MAPKAP1: variants seen among roughly 807,000 people sequenced by gnomAD.
MAPKAP1 encodes the protein MAPK associated protein 1.
A neutral mutation model predicts 65.7 loss-of-function variants in MAPKAP1; 20 were observed. The ratio of observed to expected loss-of-function variants is 0.30; its 90% CI spans 0.21 to 0.44. The LOEUF is 0.44. MAPKAP1 is among the 20% of genes least tolerant of loss of function. The pLI, the probability that MAPKAP1 is intolerant of heterozygous loss-of-function variation, is 1.00. For missense variants in MAPKAP1, 423 were observed against 648.0 expected (o/e 0.65, Z 3.77); for synonymous variants, 222 against 244.3 (o/e 0.91, Z 0.85).
intron 10 of MAPKAP1, among the ~76,000 whole-genome samples, chr9:125,451,749 T>C (rs112351229): frequency 0.014 from 2,153 of 151,918 alleles, 17 homozygotes; most frequent in South Asian, 0.042. Flanking sequence ...TATTGCTTTT[T>C]CTCTGGTTTT....
chr9:125,656,047 ATAGAG>A (rs1834023877), intron 4 of MAPKAP1, among the ~76,000 whole-genome samples: 1 of 152,254 alleles, frequency 6.6e-6, no homozygotes, highest in Admixed American at 6.5e-5. Context: ...AAAGAGAATT[ATAGAG>A]TATTTTAAAA....
intron 1 of MAPKAP1, among the ~76,000 whole-genome samples, chr9:125,693,622 T>C (rs1335427615): frequency 1.7e-4 from 24 of 144,364 alleles, no homozygotes; most frequent in South Asian, 4.4e-4. Context: ...TATACACACA[T>C]ATATACACAT....
intron 10 of MAPKAP1, among the ~76,000 whole-genome samples, chr9:125,450,772 G>T (rs1293041530): frequency 6.6e-6 from 1 of 152,186 alleles, no homozygotes; most frequent in Non-Finnish European, 1.5e-5. Context: ...GGAAACCGAT[G>T]GGAACACACA....
At position 125,557,486 on chromosome 9, in the gene MAPKAP1, T is replaced by C. The variant is rs79183375; in HGVS notation, c.848+2147A>G. Reference sequence around the variant, plus strand: ...GATTTTAGGAATTCTGTTGGTAACATTGTAAATTAGGACATCTTTCAGAGG... The same window carrying C: ...GATTTTAGGAATTCTGTTGGTAACACTGTAAATTAGGACATCTTTCAGAGG... On this transcript the variant is annotated intron_variant, in intron 6 of 11. Coordinates refer to ENST00000265960, the MANE Select transcript of MAPKAP1 (RefSeq NM_001006617.3). 4.4e-3 allele frequency among the ~76,000 whole-genome samples: 673 copies of C among 152,300 alleles called. 6 individuals carry two copies. The highest frequency in any genetic ancestry group is 0.015 in the African/African-American group (623 of 41,566).
At chr9:125,486,793 C>A (rs952177375) in intron 8 of MAPKAP1, among the ~76,000 whole-genome samples, 1 of 152,022 alleles carries the variant, frequency 6.6e-6, no homozygotes, top group East Asian at 1.9e-4. Context: ...CCAGGTCACC[C>A]TTCTCCCCAT....
At chr9:125,604,376 C>T (rs545686644) in intron 4 of MAPKAP1, among the ~76,000 whole-genome samples, 8 of 152,236 alleles carry the variant, frequency 5.3e-5, no homozygotes, top group Non-Finnish European at 8.8e-5. Flanking sequence ...CAGTAGGCAA[C>T]GGCAGTTATG....
At chr9:125,545,450 T>C (rs777381963) in intron 6 of MAPKAP1, among the ~76,000 whole-genome samples, 10 of 152,168 alleles carry the variant, frequency 6.6e-5, no homozygotes, top group Non-Finnish European at 1.5e-4. Context: ...TGTGACAATA[T>C]GTTGGGCGAT....
At chr9:125,615,300 T>C (rs190593673) in intron 4 of MAPKAP1, among the ~76,000 whole-genome samples, 1 of 152,268 alleles carries the variant, frequency 6.6e-6, no homozygotes, top group African/African-American at 2.4e-5. Flanking sequence ...TTCAAAATGG[T>C]AAAGATGCCA....
intron 4 of MAPKAP1, among the ~76,000 whole-genome samples, chr9:125,615,224 A>T (rs934934613): frequency 6.6e-5 from 10 of 152,126 alleles, no homozygotes; most frequent in Admixed American, 5.9e-4. Flanking sequence ...TATATATATG[A>T]CTTCCATGGA....
At chr9:125,533,312 A>C (rs1829984204) in intron 7 of MAPKAP1, among the ~76,000 whole-genome samples, 1 of 152,186 alleles carries the variant, frequency 6.6e-6, no homozygotes, top group African/African-American at 2.4e-5. Context: ...AAGACCCAGA[A>C]ATGCAAATTA....
intron 5 of MAPKAP1, among the ~76,000 whole-genome samples, chr9:125,579,627 C>T (rs1330987723): frequency 6.6e-6 from 1 of 152,164 alleles, no homozygotes; most frequent in African/African-American, 2.4e-5. Context: ...TTCTTGACAA[C>T]CAGGCTGCAA....
At chr9:125,483,110 T>C (rs1429259725) in intron 9 of MAPKAP1, among the ~76,000 whole-genome samples, 1 of 152,126 alleles carries the variant, frequency 6.6e-6, no homozygotes, top group Non-Finnish European at 1.5e-5. Context: ...AGCTCTCACA[T>C]AGGGAAGTTT....
intron 1 of MAPKAP1, among the ~76,000 whole-genome samples, chr9:125,701,493 CA>C (rs1170826686): frequency 1.2e-4 from 19 of 152,184 alleles, no homozygotes; most frequent in African/African-American, 4.3e-4. Flanking sequence ...TAGTCAACTG[CA>C]CTTGCTACTA....
intron 5 of MAPKAP1, among the ~76,000 whole-genome samples, chr9:125,574,356 A>C (rs138863291): frequency 1.3e-5 from 2 of 152,370 alleles, no homozygotes; most frequent in African/African-American, 4.8e-5. Flanking sequence ...TTGATGTTAA[A>C]AAGCTGCCAG....
intron 4 of MAPKAP1, among the ~76,000 whole-genome samples, chr9:125,639,178 C>G (rs972689135): frequency 2.0e-5 from 3 of 152,108 alleles, no homozygotes; most frequent in African/African-American, 2.4e-5. Context: ...GAGGCGGAGG[C>G]TGCAGGGAGC....
At chr9:125,588,910 G>A (rs1303041494) in intron 4 of MAPKAP1, among the ~76,000 whole-genome samples, 1 of 152,138 alleles carries the variant, frequency 6.6e-6, no homozygotes, top group East Asian at 1.9e-4. Flanking sequence ...GGCTATACCG[G>A]CCTTCTGGAA....
chr9:125,643,328 G>A (rs1431770101), intron 4 of MAPKAP1, among the ~76,000 whole-genome samples: 1 of 151,192 alleles, frequency 6.6e-6, no homozygotes, highest in African/African-American at 2.4e-5. Flanking sequence ...CCGAGTAACT[G>A]AGACTACAGG....
At chr9:125,658,038 C>A (rs1834082057) in intron 3 of MAPKAP1, among the ~76,000 whole-genome samples, 1 of 152,114 alleles carries the variant, frequency 6.6e-6, no homozygotes, top group South Asian at 2.1e-4. Flanking sequence ...AAGAATCAGA[C>A]AAAGTAACAA....
At chr9:125,620,421 T>G (rs921633837) in intron 4 of MAPKAP1, among the ~76,000 whole-genome samples, 3 of 152,244 alleles carry the variant, frequency 2.0e-5, no homozygotes, top group Admixed American at 1.3e-4. Flanking sequence ...GGAGTGTAAT[T>G]GGAGCAATCC....
Sources: gnomAD v4.1 joint callset for allele counts (sites outside exome capture counted in the v4.1 genomes callset) on GRCh38, gnomAD v4.1.1 for gene constraint, MANE v1.5 for transcripts, NCBI Gene and HGNC (gene_info 2026-07-23, HGNC 2026-07-21) for gene names.